Variants in UIMC1 observed in about 807,000 individuals in gnomAD.
UIMC1 encodes the protein ubiquitin interaction motif containing 1.
In UIMC1, 42 loss-of-function variants were observed where a neutral mutation model predicts 84.9. The ratio of observed to expected loss-of-function variants is 0.49; its 90% CI spans 0.39 to 0.64. The LOEUF (loss-of-function observed/expected upper bound fraction) is 0.64, where lower values mean the gene tolerates loss of function less well. Ranked by LOEUF, UIMC1 falls within the 30% of genes least tolerant of loss-of-function variation. The probability of loss-of-function intolerance (pLI) is 0.00; values close to 1 mark genes in which losing one functional copy is unlikely to be tolerated. For missense variants in UIMC1, 825 were observed against 847.6 expected, an observed-to-expected ratio of 0.97 and a Z score of 0.33; for synonymous variants, 281 against 293.0, an observed-to-expected ratio of 0.96 and a Z score of 0.42.
intron 1 of UIMC1, among the ~76,000 whole-genome samples, chr5:176,984,568 T>A (rs1298521546): frequency 1.3e-5 from 2 of 151,972 alleles, no homozygotes; most frequent in Non-Finnish European, 2.9e-5. Flanking sequence ...CCGCCCCATC[T>A]GGGAGGTGTA....
chr5:176,959,369 T>G (rs989768766), intron 6 of UIMC1, among the ~76,000 whole-genome samples: 1 of 152,182 alleles, frequency 6.6e-6, no homozygotes, highest in African/African-American at 2.4e-5. Flanking sequence ...ATAAGGCACC[T>G]CCATCTCTGC....
chr5:176,906,703 C>T (rs562793183), intron 13 of UIMC1, among the ~76,000 whole-genome samples: 48 of 152,316 alleles, frequency 3.2e-4, no homozygotes, highest in African/African-American at 1.0e-3. Flanking sequence ...TACGCACAAA[C>T]GCTCAGGATC....
chr5:176,967,289 C>CAA (rs145577017), intron 6 of UIMC1, among the ~76,000 whole-genome samples: 1 of 124,002 alleles, frequency 8.1e-6, no homozygotes, highest in Non-Finnish European at 1.7e-5. Flanking sequence ...TTTTCACATC[C>CAA]AAAAAAAAAA....
chr5:176,907,724 T>G (rs934852044), intron 12 of UIMC1, among the ~76,000 whole-genome samples: 4 of 152,236 alleles, frequency 2.6e-5, no homozygotes, highest in African/African-American at 9.7e-5. Context: ...ACCTGGCAGC[T>G]TCCTAAGGAG....
chr5:176,975,347 C>A (rs1241966672), intron 3 of UIMC1, 49 bp downstream of exon 3: 2 of 1,564,662 alleles, frequency 1.3e-6, no homozygotes, highest in South Asian at 1.1e-5. Context: ...TGTATCAGTT[C>A]TATGACTATT....
chr5:177,011,474 T>C (rs762549527), upstream of UIMC1, among the ~76,000 whole-genome samples: 18 of 152,208 alleles, frequency 1.2e-4, no homozygotes, highest in Non-Finnish European at 1.3e-4. Context: ...TCCCAGCTAC[T>C]CAGGAGGCTA....
intron 13 of UIMC1, among the ~76,000 whole-genome samples, chr5:176,906,744 T>C (rs1759438021): frequency 6.6e-6 from 1 of 152,196 alleles, no homozygotes; most frequent in Admixed American, 6.5e-5. Flanking sequence ...AAAGGTAACA[T>C]ATGAATGATG....
At chr5:177,003,246 A>G (rs1581719643) in intron 1 of UIMC1, among the ~76,000 whole-genome samples, 1 of 152,324 alleles carries the variant, frequency 6.6e-6, no homozygotes, top group Non-Finnish European at 1.5e-5. Flanking sequence ...TTTATATCCC[A>G]GTTTATACTC....
Position 177,012,649 on chromosome 5 carries a change from C to T in UIMC1, c.-9+9815G>A, listed in dbSNP as rs749932321. On this transcript the variant is annotated intron_variant, in intron 1 of 5. Transcript: ENST00000509236. ...TGGAGGTTGCAATGAGCTGAGATCG[C>T]GCCACTGCACTCCAGCCTGGGTGAC... 2.6e-5 allele frequency among the ~76,000 whole-genome samples: 4 copies of T among 151,680 alleles called. No individual in the cohort carries two copies. The South Asian group carries it at 6.3e-4, about 24-fold the overall frequency.
intron 10 of UIMC1, among the ~76,000 whole-genome samples, chr5:176,930,422 T>G (rs7700351): frequency 0.038 from 5,827 of 152,330 alleles, 375 homozygotes; most frequent in African/African-American, 0.13. Flanking sequence ...CCCTAGCTCT[T>G]GTCACTTTCT....
intron 9 of UIMC1, among the ~76,000 whole-genome samples, chr5:176,949,056 T>C (rs1370423669): frequency 6.6e-6 from 1 of 152,066 alleles, no homozygotes; most frequent in African/African-American, 2.4e-5. Context: ...ATGTGTAATC[T>C]TGGTCTAGTA....
chr5:176,975,406 T>C lies in UIMC1; in HGVS notation c.222A>G (p.Arg74=), dbSNP rs1769905252. ...QSNRAKCLAK[R]KIAQMTEEEQ... is the part of the protein sequence containing the mutation. ...AAAATGAAAACATACGTGCGATTTT[T>C]CTTTTGGCCAAACACTTTGCTCTAT... The change falls in exon 3 of 15, where the codon AGA becomes AGG. Residue 74 remains arginine (R), a synonymous_variant. Transcript: ENST00000511320. 4 of 1,613,936 alleles carry C rather than the reference T, an allele frequency of 2.5e-6. No homozygotes were observed. Among genetic ancestry groups the C allele is most frequent in the Non-Finnish European group, 3.4e-6 (4 of 1,179,936 alleles).
Position 177,003,482 on chromosome 5 carries a change from G to A in UIMC1, c.-9+3168C>T, listed in dbSNP as rs146973394. Among the ~76,000 whole-genome samples the A allele has an allele frequency of 2.8e-3, 433 of 152,180 alleles. 4 individuals are homozygous for A. The highest frequency in any genetic ancestry group is 1.0e-2 in the African/African-American group (414 of 41,506). On this transcript the variant is annotated intron_variant, in intron 1 of 14. Transcript: ENST00000511320. ...AGCCTGACCAACAGGGTGAAACCCC[G>A]TCTCTACTAAAAATACAAAAATTAC...
intron 9 of UIMC1, among the ~76,000 whole-genome samples, chr5:176,949,092 T>A (rs1014362604): frequency 2.6e-5 from 4 of 151,778 alleles, no homozygotes; most frequent in East Asian, 1.9e-4. Flanking sequence ...TTCCCCTTTT[T>A]AAAAAAATTT....
At chr5:176,970,599 C>CT in intron 4 of UIMC1, 143 bp downstream of exon 4, 2 of 1,346,084 alleles carry the variant, frequency 1.5e-6, no homozygotes, top group African/African-American at 1.4e-5. Context: ...TCAACACAGA[C>CT]TTTAAAAAAT....
At chr5:176,959,102 G>A (rs1395170467) in intron 6 of UIMC1, among the ~76,000 whole-genome samples, 1 of 152,184 alleles carries the variant, frequency 6.6e-6, no homozygotes, top group Non-Finnish European at 1.5e-5. Context: ...TCAGTCAAAA[G>A]GAAAGTTGTA....
intron 10 of UIMC1, among the ~76,000 whole-genome samples, chr5:176,931,229 G>C (rs530601348): frequency 6.6e-6 from 1 of 152,270 alleles, no homozygotes; most frequent in South Asian, 2.1e-4. Context: ...CACTGATCTA[G>C]TATTAATTTC....
chr5:176,911,666 T>C (rs868166220), intron 10 of UIMC1, among the ~76,000 whole-genome samples: 2 of 152,340 alleles, frequency 1.3e-5, no homozygotes, highest in Middle Eastern at 3.4e-3. Context: ...AGAAAAGGTT[T>C]TTGTGTACTA....
intron 10 of UIMC1, 116 bp downstream of exon 10, chr5:176,943,219 C>A: frequency 1.5e-6 from 2 of 1,333,608 alleles, no homozygotes; most frequent in South Asian, 1.8e-5. Flanking sequence ...AACCCAAGAC[C>A]AACAACAACT....
Sources: gnomAD v4.1 joint callset for allele counts (sites outside exome capture counted in the v4.1 genomes callset) on GRCh38, gnomAD v4.1.1 for gene constraint, MANE v1.5 for transcripts, NCBI Gene and HGNC (gene_info 2026-07-23, HGNC 2026-07-21) for gene names.